Variants in RIMBP2 observed in about 807,000 individuals in gnomAD.
RIMBP2 encodes RIMS-binding protein 2.
In RIMBP2, 48 loss-of-function variants were observed where a neutral mutation model predicts 118.6. The observed-to-expected ratio is 0.40, with a 90% CI of 0.32 to 0.51. RIMBP2 has a LOEUF of 0.51. Ranked by LOEUF, RIMBP2 falls within the 20% of genes least tolerant of loss-of-function variation. The pLI, the probability that RIMBP2 is intolerant of heterozygous loss-of-function variation, is 0.41. For synonymous variants in RIMBP2, 762 were observed against 742.9 expected, an observed-to-expected ratio of 1.03 and a Z score of -0.42; for missense variants, 1,551 against 1,768.3, an observed-to-expected ratio of 0.88 and a Z score of 2.20.
At chr12:130,672,729 C>T (rs2064258561) in intron 1 of RIMBP2, among the ~76,000 whole-genome samples, 1 of 152,202 alleles carries the variant, frequency 6.6e-6, no homozygotes, top group Admixed American at 6.5e-5. Flanking sequence ...AAGCTGATTG[C>T]AGCCGCTCAG....
chr12:130,694,302 G>A (rs896136268), intron 1 of RIMBP2, among the ~76,000 whole-genome samples: 1 of 152,178 alleles, frequency 6.6e-6, no homozygotes, highest in Non-Finnish European at 1.5e-5. Context: ...TCAGCACTTT[G>A]CCCTTCATTC....
chr12:130,478,687 T>C (rs1218180817), intron 5 of RIMBP2, among the ~76,000 whole-genome samples: 1 of 152,144 alleles, frequency 6.6e-6, no homozygotes, highest in Non-Finnish European at 1.5e-5. Context: ...GCATCAGAGG[T>C]TAGAGCTTTG....
At position 130,419,574 on chromosome 12, in the gene RIMBP2, C is replaced by T. The variant is rs1247425386; in HGVS notation, c.3238+2879G>A. 1 of 152,178 alleles carries T rather than the reference C, an allele frequency of 6.6e-6. No individual in the cohort carries two copies. Among genetic ancestry groups the T allele is most frequent in the Non-Finnish European group, 1.5e-5 (1 of 68,038 alleles). The allele number at this position is 152,178 out of a possible 1,614,324, so 9.4% of individuals were successfully genotyped here. A position where few individuals can be genotyped will look rare whatever the true frequency, so the allele number is the denominator to read the frequency against. ...GCAGGGAAACCTGAAGAAAAGAGCT[C>T]CCCTTTTTAAGGGGCAAAGCTTTGT... On this transcript the variant is annotated intron_variant, in intron 17 of 22. Coordinates refer to ENST00000690449, the MANE Select transcript of RIMBP2 (RefSeq NM_001393629.1). The surrounding 1 kb of genome is among the most constrained non-coding windows in gnomAD (Gnocchi z 4.3).
At chr12:130,560,669 C>T (rs532387640) in intron 2 of RIMBP2, among the ~76,000 whole-genome samples, 3 of 152,334 alleles carry the variant, frequency 2.0e-5, no homozygotes, top group African/African-American at 7.2e-5. Flanking sequence ...GTCAGGAGAG[C>T]AGCTCCTCAA....
intron 1 of RIMBP2, among the ~76,000 whole-genome samples, chr12:130,708,413 C>G (rs985218393): frequency 2.0e-5 from 3 of 152,174 alleles, no homozygotes; most frequent in Non-Finnish European, 4.4e-5. Context: ...TAAAGCTGGG[C>G]ATGGTGGCTC....
intron 5 of RIMBP2, among the ~76,000 whole-genome samples, chr12:130,477,045 G>A (rs1249452326): frequency 1.3e-5 from 2 of 152,274 alleles, no homozygotes; most frequent in South Asian, 4.2e-4. Context: ...CTACATCAAA[G>A]CCTCTAGAAA....
At chr12:130,564,001 CCCTGCTGTT>C (rs2057019133) in intron 2 of RIMBP2, among the ~76,000 whole-genome samples, 4 of 150,778 alleles carry the variant, frequency 2.7e-5, no homozygotes, top group African/African-American at 9.9e-5. Context: ...ACACCAGCCT[CCCTGCTGTT>C]CCTATACAAG....
chr12:130,521,112 C>A (rs2052062615), intron 2 of RIMBP2, among the ~76,000 whole-genome samples: 1 of 152,202 alleles, frequency 6.6e-6, no homozygotes, highest in South Asian at 2.1e-4. Flanking sequence ...CCTTCTGATC[C>A]TGTGAAGATG....
intron 1 of RIMBP2, among the ~76,000 whole-genome samples, chr12:130,682,139 C>T (rs993156345): frequency 6.6e-6 from 1 of 152,094 alleles, no homozygotes; most frequent in Non-Finnish European, 1.5e-5. Flanking sequence ...TCCCGTATCC[C>T]GGTGAGGGGA....
At chr12:130,408,273 C>T (rs932019589) in intron 19 of RIMBP2, among the ~76,000 whole-genome samples, 2 of 152,194 alleles carry the variant, frequency 1.3e-5, no homozygotes, top group African/African-American at 4.8e-5. Flanking sequence ...GGTGGCGCTA[C>T]AAAATCAAGT....
chr12:130,579,828 A>G (rs1206636814), intron 2 of RIMBP2, among the ~76,000 whole-genome samples: 1 of 152,004 alleles, frequency 6.6e-6, no homozygotes, highest in Non-Finnish European at 1.5e-5. Context: ...CCTGGCCACA[A>G]TATAGGAACC....
rs184275207 is a variant in RIMBP2, at chr12:130,588,041, C to T, written c.-217+40281G>A. Among the ~76,000 whole-genome samples the T allele has an allele frequency of 3.0e-3, 456 of 152,108 alleles. 3 individuals are homozygous for T. The highest frequency in any genetic ancestry group is 6.8e-3 in the Middle Eastern group (2 of 294). ...CTCGCCTCCCTCAGCATCTCAATCCCGTTCCTGTCCATTCCTGCTCCTGAG... is the reference window on the plus strand; with the variant it reads ...CTCGCCTCCCTCAGCATCTCAATCCTGTTCCTGTCCATTCCTGCTCCTGAG... On this transcript the variant is annotated intron_variant, in intron 2 of 22. Coordinates refer to ENST00000690449, the MANE Select transcript of RIMBP2 (RefSeq NM_001393629.1).
intron 1 of RIMBP2, among the ~76,000 whole-genome samples, chr12:130,714,392 G>T (rs1012665230): frequency 3.9e-5 from 6 of 152,342 alleles, no homozygotes; most frequent in African/African-American, 1.4e-4. Flanking sequence ...GGACTCTGCA[G>T]GCTTGGGGTT....
intron 1 of RIMBP2, among the ~76,000 whole-genome samples, chr12:130,647,935 G>A (rs539762223): frequency 6.8e-6 from 1 of 146,172 alleles, no homozygotes; most frequent in South Asian, 2.1e-4. Flanking sequence ...GCAAACCTCG[G>A]TGTGGCTGTT....
chr12:130,616,055 A>G (rs993103134), intron 2 of RIMBP2, among the ~76,000 whole-genome samples: 8 of 151,860 alleles, frequency 5.3e-5, no homozygotes, highest in African/African-American at 1.9e-4. Flanking sequence ...ATGCACACAC[A>G]CCCTAGCCTT....
chr12:130,555,507 T>C (rs2056264414), intron 2 of RIMBP2, among the ~76,000 whole-genome samples: 1 of 152,192 alleles, frequency 6.6e-6, no homozygotes, highest in Admixed American at 6.5e-5. Context: ...ACACACAGCA[T>C]GGCTCATTTG....
Position 130,523,160 on chromosome 12 carries a change from T to C in RIMBP2, c.-216-5243A>G, listed in dbSNP as rs958664235. Among the ~76,000 whole-genome samples the C allele has an allele frequency of 3.9e-5, 6 of 152,128 alleles. No individual in the cohort carries two copies. The highest frequency in any genetic ancestry group is 8.8e-5 in the Non-Finnish European group (6 of 68,014). ...CTCTCTCTCTGCCTCCATGTCTGTC[T>C]GTGTCTCTGTTTCTCTGCCTCTCTG... On this transcript the variant is annotated intron_variant, in intron 2 of 22. Coordinates refer to ENST00000690449, the MANE Select transcript of RIMBP2 (RefSeq NM_001393629.1). The surrounding 1 kb of genome is among the most constrained non-coding windows in gnomAD (Gnocchi z 4.4).
intron 2 of RIMBP2, among the ~76,000 whole-genome samples, chr12:130,532,354 T>C (rs868328319): frequency 6.2e-4 from 90 of 145,074 alleles, no homozygotes; most frequent in Middle Eastern, 3.7e-3. Context: ...TGCGTGTGTG[T>C]AGCCTCTAGG....
At chr12:130,488,458 C>G (rs1252472039) in intron 4 of RIMBP2, among the ~76,000 whole-genome samples, 1 of 151,968 alleles carries the variant, frequency 6.6e-6, no homozygotes, top group Admixed American at 6.6e-5. Context: ...TTAGTGAGGT[C>G]TACGAACCAG....
Sources: allele counts gnomAD v4.1 joint callset (sites outside exome capture counted in the v4.1 genomes callset), GRCh38; gene constraint gnomAD v4.1.1; non-coding constraint Gnocchi (gnomAD v3.1); transcripts MANE v1.5; gene names NCBI Gene and HGNC (gene_info 2026-07-23, HGNC 2026-07-21).